The following CAMKMT variants were observed in gnomAD, a reference collection of about 807,000 sequenced individuals.
CAMKMT encodes calmodulin-lysine N-methyltransferase.
In CAMKMT, 53 loss-of-function variants were observed where a neutral mutation model predicts 48.0. The observed-to-expected ratio is 1.10, with a 90% CI of 0.89 to 1.39. The LOEUF (loss-of-function observed/expected upper bound fraction) is 1.39. Among genes scored for constraint, CAMKMT ranks in the 40% most tolerant of loss-of-function variants. CAMKMT has a pLI of 0.00. For synonymous variants in CAMKMT, 165 were observed against 152.3 expected (o/e 1.08, Z -0.61); for missense variants, 428 against 402.7 (o/e 1.06, Z -0.54).
rs115046912 is a variant in CAMKMT at position 44,388,931 on chromosome 2, C to T, written c.312-1310C>T. Among the ~76,000 whole-genome samples the T allele has an allele frequency of 7.1e-3, 1,077 of 152,134 alleles. 12 individuals are homozygous for T. The highest frequency in any genetic ancestry group is 0.019 in the East Asian group (101 of 5,182). ...GCGGGGTGGGGGGTACAATGGAGTC[C>T]GTGAGGGTTCTTAGCTTTGGTGGTT... On this transcript the variant is annotated intron_variant, in intron 2 of 10. Transcript: ENST00000378494.
intron 3 of CAMKMT, among the ~76,000 whole-genome samples, chr2:44,572,968 T>C (rs543184945): frequency 5.9e-5 from 9 of 152,334 alleles, no homozygotes; most frequent in Non-Finnish European, 1.2e-4. Flanking sequence ...TGATTAGGAA[T>C]GTTAATCTTT....
At chr2:44,707,632 C>A (rs1408041551) in intron 6 of CAMKMT, among the ~76,000 whole-genome samples, 170 bp downstream of exon 6, 1 of 152,146 alleles carries the variant, frequency 6.6e-6, no homozygotes, top group Admixed American at 6.5e-5. Flanking sequence ...TTGCATACAA[C>A]TCCGTAGGTT....
intron 3 of CAMKMT, among the ~76,000 whole-genome samples, chr2:44,642,226 T>C (rs1398924192): frequency 6.6e-6 from 1 of 152,218 alleles, no homozygotes; most frequent in African/African-American, 2.4e-5. Context: ...GTCTGAATAG[T>C]GCCATGGATG....
chr2:44,693,905 G>A (rs1463064136), intron 3 of CAMKMT, among the ~76,000 whole-genome samples: 1 of 152,124 alleles, frequency 6.6e-6, no homozygotes, highest in Non-Finnish European at 1.5e-5. Context: ...TTTTTTTACT[G>A]ACTCCTGTGT....
chr2:44,755,865 C>T (rs1680352931), intron 9 of CAMKMT, among the ~76,000 whole-genome samples: 1 of 152,118 alleles, frequency 6.6e-6, no homozygotes, highest in Admixed American at 6.5e-5. Context: ...GGAGGTGGCA[C>T]TTACTCCTGC....
At chr2:44,721,107 T>G (rs2104317849) in intron 7 of CAMKMT, among the ~76,000 whole-genome samples, 1 of 152,274 alleles carries the variant, frequency 6.6e-6, no homozygotes, top group Admixed American at 6.5e-5. Flanking sequence ...ATGACAATTG[T>G]AACTTCTTTC....
chr2:44,631,009 A>G (rs1414068782), intron 3 of CAMKMT, among the ~76,000 whole-genome samples: 6 of 152,170 alleles, frequency 3.9e-5, no homozygotes, highest in Non-Finnish European at 7.3e-5. Flanking sequence ...AATGTCCAAC[A>G]ATGATAGACT....
intron 3 of CAMKMT, among the ~76,000 whole-genome samples, chr2:44,510,684 G>A (rs889653424): frequency 1.3e-5 from 2 of 152,056 alleles, no homozygotes; most frequent in African/African-American, 2.4e-5. Context: ...AGTTTTCGGG[G>A]TACAGATGGT....
chr2:44,363,724 G>C (rs1678273364), intron 1 of CAMKMT, among the ~76,000 whole-genome samples: 1 of 133,904 alleles, frequency 7.5e-6, no homozygotes, highest in Non-Finnish European at 1.6e-5. Context: ...GAGCCTTACT[G>C]TGTTGCCCAG....
chr2:44,527,310 A>T (rs1409650173), intron 3 of CAMKMT, among the ~76,000 whole-genome samples: 2 of 144,562 alleles, frequency 1.4e-5, no homozygotes, highest in Non-Finnish European at 3.0e-5. Context: ...ATATATTATT[A>T]TATATTATAC....
rs1245769318 is a variant in CAMKMT, at chr2:44,653,983, T to A, written c.377-50300T>A. Among the ~76,000 whole-genome samples the A allele has an allele frequency of 6.6e-6, 1 of 152,218 alleles. No homozygotes were observed. The highest frequency in any genetic ancestry group is 1.5e-5 in the Non-Finnish European group (1 of 68,042). On this transcript the variant is annotated intron_variant, in intron 3 of 10. Coordinates refer to ENST00000378494, the MANE Select transcript of CAMKMT (RefSeq NM_024766.5). The surrounding 1 kb of genome is among the most constrained non-coding windows in gnomAD (Gnocchi z 5.2). ...TTAGAGTCTTTCTTTGAATTAAAAT[T>A]TTCTTAGTTTGCCGTGTATTTTAAT...
intron 3 of CAMKMT, among the ~76,000 whole-genome samples, chr2:44,515,947 C>T (rs779666089): frequency 9.2e-5 from 14 of 152,136 alleles, no homozygotes; most frequent in Non-Finnish European, 1.8e-4. Flanking sequence ...AAGAACAAGT[C>T]TAAAGAATGA....
chr2:44,625,725 G>A (rs1004085297), intron 3 of CAMKMT, among the ~76,000 whole-genome samples: 10 of 151,602 alleles, frequency 6.6e-5, no homozygotes, highest in Admixed American at 1.3e-4. Flanking sequence ...TTTTTTTTCC[G>A]TACCGATATC....
At chr2:44,750,369 C>A (rs971723528) in intron 8 of CAMKMT, among the ~76,000 whole-genome samples, 3 of 152,100 alleles carry the variant, frequency 2.0e-5, no homozygotes, top group Admixed American at 6.5e-5. Context: ...GTTGGTCAGG[C>A]TGGCCTTGAA....
At chr2:44,470,071 TTCTC>T in intron 3 of CAMKMT, among the ~76,000 whole-genome samples, 1 of 152,264 alleles carries the variant, frequency 6.6e-6, no homozygotes. Context: ...ATCTTTTTTT[TTCTC>T]TCTAATAAGA....
At chr2:44,512,297 T>C (rs1026169138) in intron 3 of CAMKMT, among the ~76,000 whole-genome samples, 11 of 152,262 alleles carry the variant, frequency 7.2e-5, no homozygotes, top group African/African-American at 2.7e-4. Context: ...TTTCTCATTT[T>C]CTTTATAAAC....
chr2:44,566,789 G>C (rs1016008178), intron 3 of CAMKMT, among the ~76,000 whole-genome samples: 1 of 152,178 alleles, frequency 6.6e-6, no homozygotes, highest in Non-Finnish European at 1.5e-5. Flanking sequence ...TAAGTTAAAG[G>C]ATGCTTTTAA....
intron 3 of CAMKMT, among the ~76,000 whole-genome samples, chr2:44,409,602 C>T (rs1572797019): frequency 6.6e-6 from 1 of 152,188 alleles, no homozygotes; most frequent in East Asian, 1.9e-4. Context: ...CTTACAGTGG[C>T]AGATTTGGAT....
chr2:44,754,146 C>T (rs1174862003), intron 9 of CAMKMT, 28 bp downstream of exon 9: 1 of 1,529,486 alleles, frequency 6.5e-7, no homozygotes, highest in East Asian at 2.2e-5. Context: ...TTCTCCTGAA[C>T]ACTGGCTACA....
Sources: allele counts gnomAD v4.1 joint callset (sites outside exome capture counted in the v4.1 genomes callset), GRCh38; gene constraint gnomAD v4.1.1; non-coding constraint Gnocchi (gnomAD v3.1); transcripts MANE v1.5; gene names NCBI Gene and HGNC (gene_info 2026-07-23, HGNC 2026-07-21).